The following GRAMD1B variants were observed in gnomAD, a reference collection of about 807,000 sequenced individuals.
GRAMD1B encodes GRAM domain containing 1B.
A neutral mutation model predicts 99.7 loss-of-function variants in GRAMD1B; 37 were observed. That is an observed-to-expected ratio of 0.37 (90% CI 0.29 to 0.49). The LOEUF (loss-of-function observed/expected upper bound fraction) is 0.49. Ranked by LOEUF, GRAMD1B falls within the 20% of genes least tolerant of loss-of-function variation. The pLI, the probability that GRAMD1B is intolerant of heterozygous loss-of-function variation, is 0.98. For synonymous variants in GRAMD1B, 427 were observed against 387.6 expected (o/e 1.10, Z -1.19); for missense variants, 888 against 1,009.2 (o/e 0.88, Z 1.63).
At chr11:123,523,680 A>G (rs182329209) in intron 2 of GRAMD1B, among the ~76,000 whole-genome samples, 3,299 of 152,316 alleles carry the variant, frequency 0.022, 54 homozygotes, top group Non-Finnish European at 0.036. Context: ...GGATGAGAAT[A>G]CAGTATTCAC....
chr11:123,522,863 G>A (rs141040352), intron 2 of GRAMD1B, among the ~76,000 whole-genome samples: 1 of 152,276 alleles, frequency 6.6e-6, no homozygotes, highest in East Asian at 1.9e-4. Flanking sequence ...ACTGTTACCT[G>A]GATTCTTTTT....
chr11:123,571,061 C>G (rs1948020901), intron 2 of GRAMD1B, among the ~76,000 whole-genome samples: 1 of 152,156 alleles, frequency 6.6e-6, no homozygotes, highest in East Asian at 1.9e-4. Flanking sequence ...CAGCTGCAGT[C>G]CAAGCAGGTG....
At chr11:123,479,961 G>A (rs2714088) in intron 1 of GRAMD1B, among the ~76,000 whole-genome samples, 55,404 of 151,884 alleles carry the variant, frequency 0.36, 10,734 homozygotes, top group East Asian at 0.56. Context: ...TCTAGATTGA[G>A]CCTAGAGTTT....
chr11:123,579,462 G>T (rs540585213), intron 3 of GRAMD1B, among the ~76,000 whole-genome samples: 1 of 152,308 alleles, frequency 6.6e-6, no homozygotes, highest in East Asian at 1.9e-4. Flanking sequence ...CCTGGCTGTG[G>T]ACAGGGAAGG....
chr11:123,609,705 C>A, intron 12 of GRAMD1B, 90 bp from the exon 13 acceptor site: 2 of 777,772 alleles, frequency 2.6e-6, no homozygotes, highest in African/African-American at 1.7e-5. Context: ...GTAGTAAGCA[C>A]AGTCCAGAAG....
intron 2 of GRAMD1B, among the ~76,000 whole-genome samples, chr11:123,530,108 T>C (rs574072449): frequency 1.6e-4 from 25 of 151,992 alleles, no homozygotes; most frequent in Admixed American, 9.2e-4. Flanking sequence ...AGTGGGTGAG[T>C]GAGCAGTCTT....
intron 1 of GRAMD1B, among the ~76,000 whole-genome samples, chr11:123,370,199 C>T (rs893750298): frequency 5.5e-4 from 83 of 151,838 alleles, no homozygotes; most frequent in African/African-American, 1.7e-3. Flanking sequence ...CCTGTAAGTC[C>T]TAGCTACTTG....
intron 2 of GRAMD1B, chr11:123,526,102 A>G: frequency 6.3e-7 from 1 of 1,581,018 alleles, no homozygotes; most frequent in Non-Finnish European, 8.7e-7. Flanking sequence ...CCGGAGCTGT[A>G]ACGGGGATGC....
At chr11:123,537,096 A>C (rs776050980) in intron 2 of GRAMD1B, among the ~76,000 whole-genome samples, 65 of 152,034 alleles carry the variant, frequency 4.3e-4, no homozygotes, top group Non-Finnish European at 9.0e-4. Context: ...ACATTTCTTG[A>C]GTATCTACTG....
intron 8 of GRAMD1B, among the ~76,000 whole-genome samples, chr11:123,601,091 A>T (rs1412809222): frequency 6.6e-6 from 1 of 151,944 alleles, no homozygotes; most frequent in African/African-American, 2.4e-5. Flanking sequence ...GAGAATGGGG[A>T]GGGTGGGAAT....
At chr11:123,370,583 G>A (rs1443930851) in intron 1 of GRAMD1B, among the ~76,000 whole-genome samples, 5 of 151,788 alleles carry the variant, frequency 3.3e-5, no homozygotes, top group Admixed American at 2.0e-4. Flanking sequence ...CAAGCAATTC[G>A]TCCACCTCAG....
At chr11:123,545,266 C>T (rs932777326) in intron 2 of GRAMD1B, among the ~76,000 whole-genome samples, 2 of 152,202 alleles carry the variant, frequency 1.3e-5, no homozygotes, top group Non-Finnish European at 2.9e-5. Context: ...CCTTCCTTTC[C>T]TGCCCCACCC....
chr11:123,432,887 T>C (rs1948965978), intron 1 of GRAMD1B, among the ~76,000 whole-genome samples: 1 of 152,150 alleles, frequency 6.6e-6, no homozygotes, highest in Non-Finnish European at 1.5e-5. Context: ...ATCTTTTCTG[T>C]TTGCAACAAC....
intron 2 of GRAMD1B, among the ~76,000 whole-genome samples, chr11:123,500,029 G>A: frequency 6.6e-6 from 1 of 152,112 alleles, no homozygotes; most frequent in Non-Finnish European, 1.5e-5. Flanking sequence ...AGTTATCCTT[G>A]TAAATAAGGG....
At chr11:123,392,857 T>A (rs1417999247) in intron 1 of GRAMD1B, among the ~76,000 whole-genome samples, 1 of 152,216 alleles carries the variant, frequency 6.6e-6, no homozygotes, top group Non-Finnish European at 1.5e-5. Context: ...TTACATTTCA[T>A]CTTGTTATAT....
At chr11:123,594,937 G>A in intron 6 of GRAMD1B, 99 bp downstream of exon 6, 1 of 709,484 alleles carries the variant, frequency 1.4e-6, no homozygotes, top group African/African-American at 1.8e-5. Context: ...CTCTTCCCAA[G>A]CCTTTGCGTA....
intron 2 of GRAMD1B, among the ~76,000 whole-genome samples, chr11:123,558,580 A>C (rs992284560): frequency 6.6e-6 from 1 of 152,348 alleles, no homozygotes; most frequent in African/African-American, 2.4e-5. Context: ...TACGTGGGTG[A>C]CCAACAAGCA....
chr11:123,513,557 CTTCCTTCCTTCCTTCCTTCCT>C (rs1941276819), intron 2 of GRAMD1B, among the ~76,000 whole-genome samples: 2 of 102,800 alleles, frequency 1.9e-5, no homozygotes, highest in Non-Finnish European at 3.8e-5. Context: ...CCTTTCTTTC[CTTCCTTCCTTCCTTCCTTCCT>C]TTCCTTCCTT....
intron 12 of GRAMD1B, among the ~76,000 whole-genome samples, chr11:123,609,229 C>T (rs567075758): frequency 1.3e-5 from 2 of 152,202 alleles, no homozygotes; most frequent in South Asian, 4.1e-4. Flanking sequence ...ACTGTTAGTG[C>T]TTGCCTGACC....
Sources: allele counts gnomAD v4.1 joint callset (sites outside exome capture counted in the v4.1 genomes callset), GRCh38; gene constraint gnomAD v4.1.1; transcripts MANE v1.5; gene names NCBI Gene and HGNC (gene_info 2026-07-23, HGNC 2026-07-21).